KIAA1217: variants seen among roughly 807,000 people sequenced by gnomAD.
KIAA1217 encodes sickle tail protein homolog.
KIAA1217 carries 88 observed loss-of-function variants against 163.9 expected under a neutral mutation model. The ratio of observed to expected loss-of-function variants is 0.54; its 90% CI spans 0.45 to 0.64. KIAA1217 has a LOEUF of 0.64. Among genes scored for constraint, KIAA1217 ranks in the 30% least tolerant of loss-of-function variants. KIAA1217 has a pLI of 0.00. For synonymous variants in KIAA1217, 903 were observed against 923.1 expected, an observed-to-expected ratio of 0.98 and a Z score of 0.39; for missense variants, 2,372 against 2,475.0, an observed-to-expected ratio of 0.96 and a Z score of 0.88.
At chr10:23,699,135 C>T (rs1836242923) in intron 1 of KIAA1217, among the ~76,000 whole-genome samples, 1 of 152,236 alleles carries the variant, frequency 6.6e-6, no homozygotes, top group South Asian at 2.1e-4. Context: ...ACTTTCACTG[C>T]TCCTTCTGCC....
chr10:24,203,552 C>T (rs1398529990), intron 2 of KIAA1217, among the ~76,000 whole-genome samples: 1 of 151,794 alleles, frequency 6.6e-6, no homozygotes. Context: ...CTTGCTCCCC[C>T]TACCCCCCAA....
chr10:24,206,606 C>T (rs2067567819), upstream of KIAA1217, among the ~76,000 whole-genome samples: 1 of 152,144 alleles, frequency 6.6e-6, no homozygotes, highest in South Asian at 2.1e-4. Flanking sequence ...AACAAAAGGC[C>T]AGTAAGTAAT....
intron 2 of KIAA1217, among the ~76,000 whole-genome samples, chr10:24,142,077 T>A (rs1391899193): frequency 1.3e-5 from 2 of 151,998 alleles, no homozygotes; most frequent in African/African-American, 4.8e-5. Context: ...TTTTTGTTTT[T>A]TTTTTCTTTC....
intron 2 of KIAA1217, among the ~76,000 whole-genome samples, chr10:24,017,785 A>C (rs1847552493): frequency 6.6e-6 from 1 of 152,124 alleles, no homozygotes; most frequent in African/African-American, 2.4e-5. Context: ...TGTGACCCAG[A>C]CCTGGGTTCC....
At chr10:24,177,538 T>A (rs2065970733) in intron 2 of KIAA1217, among the ~76,000 whole-genome samples, 1 of 151,620 alleles carries the variant, frequency 6.6e-6, no homozygotes, top group African/African-American at 2.4e-5. Context: ...AGTAATGGGA[T>A]TGCTGGATCA....
chr10:23,727,655 T>A (rs1838244866), intron 1 of KIAA1217, among the ~76,000 whole-genome samples: 1 of 152,216 alleles, frequency 6.6e-6, no homozygotes, highest in African/African-American at 2.4e-5. Flanking sequence ...ATAGACATTT[T>A]AAAATTACAC....
intron 1 of KIAA1217, among the ~76,000 whole-genome samples, chr10:23,784,170 C>T (rs1835384384): frequency 6.6e-6 from 1 of 152,000 alleles, no homozygotes; most frequent in South Asian, 2.1e-4. Context: ...GAATTGACCC[C>T]TTTATCATTT....
chr10:24,217,205 T>C (rs2068949059), intron 1 of KIAA1217, among the ~76,000 whole-genome samples: 1 of 152,176 alleles, frequency 6.6e-6, no homozygotes, highest in Non-Finnish European at 1.5e-5. Context: ...CTTTGTTCAG[T>C]AGATCCTGTT....
At chr10:23,759,695 G>A (rs1409325079) in intron 1 of KIAA1217, among the ~76,000 whole-genome samples, 1 of 152,188 alleles carries the variant, frequency 6.6e-6, no homozygotes, top group Non-Finnish European at 1.5e-5. Flanking sequence ...TTAGATAATG[G>A]TGTAGTGAGA....
chr10:24,065,265 C>T (rs1028511759), intron 2 of KIAA1217, among the ~76,000 whole-genome samples: 1 of 152,034 alleles, frequency 6.6e-6, no homozygotes, highest in Non-Finnish European at 1.5e-5. Flanking sequence ...TTCCTGCTTT[C>T]TCTTGTGGGC....
chr10:23,898,304 TACACAC>T (rs35343854), intron 1 of KIAA1217, among the ~76,000 whole-genome samples: 34 of 149,300 alleles, frequency 2.3e-4, no homozygotes, highest in African/African-American at 5.4e-4. Flanking sequence ...ACTATATATA[TACACAC>T]ACACACACAC....
intron 3 of KIAA1217, among the ~76,000 whole-genome samples, chr10:24,395,981 G>A (rs2055688693): frequency 1.3e-5 from 2 of 152,096 alleles, no homozygotes; most frequent in African/African-American, 4.8e-5. Flanking sequence ...GCCTATAGGA[G>A]CCTTCTTAAG....
intron 2 of KIAA1217, among the ~76,000 whole-genome samples, chr10:24,132,245 A>C (rs1454113028): frequency 6.6e-6 from 1 of 152,208 alleles, no homozygotes; most frequent in East Asian, 1.9e-4. Context: ...AGGGAGGCTG[A>C]AAAATGTAAC....
At chr10:24,238,835 G>A (rs2072656463) in intron 2 of KIAA1217, among the ~76,000 whole-genome samples, 1 of 152,126 alleles carries the variant, frequency 6.6e-6, no homozygotes, top group African/African-American at 2.4e-5. Context: ...GACAGGGAGG[G>A]GCAGATTAAC....
chr10:23,932,931 C>T (rs1843317051), intron 1 of KIAA1217, among the ~76,000 whole-genome samples: 1 of 152,046 alleles, frequency 6.6e-6, no homozygotes, highest in South Asian at 2.1e-4. Context: ...ATGTAAGGAC[C>T]ACCCTTGTTT....
intron 6 of KIAA1217, among the ~76,000 whole-genome samples, chr10:24,480,918 G>A (rs967689194): frequency 6.6e-6 from 1 of 152,150 alleles, no homozygotes; most frequent in Non-Finnish European, 1.5e-5. Flanking sequence ...TTGCACATCT[G>A]CTTGGGTCCA....
At chr10:24,116,834 G>A (rs1002994377) in intron 2 of KIAA1217, among the ~76,000 whole-genome samples, 1 of 152,102 alleles carries the variant, frequency 6.6e-6, no homozygotes, top group African/African-American at 2.4e-5. Context: ...CAAGACACAC[G>A]GAAAGAAAGA....
At position 24,449,826 on chromosome 10, in the gene KIAA1217, G is replaced by A. The variant is rs1367157485; in HGVS notation, c.846+11347G>A. Reference sequence around the variant, plus strand: ...AGAATCTTTTTTCATGCTCTGGCACGTTTATCTTTCATTAACTTGTCTTCT... The same window carrying A: ...AGAATCTTTTTTCATGCTCTGGCACATTTATCTTTCATTAACTTGTCTTCT... On this transcript the variant is annotated intron_variant, in intron 5 of 20. Coordinates refer to ENST00000376454, the MANE Select transcript of KIAA1217 (RefSeq NM_019590.5). 1.1e-5 allele frequency: 9 copies of A among 834,528 alleles called. No individual in the cohort carries two copies. The South Asian group carries it at 1.6e-4, about 15-fold the overall frequency. 51.7% of individuals were successfully genotyped at this position (834,528 alleles called of 1,614,324 possible).
At chr10:23,812,061 G>C (rs1837087153) in intron 1 of KIAA1217, among the ~76,000 whole-genome samples, 1 of 151,974 alleles carries the variant, frequency 6.6e-6, no homozygotes, top group South Asian at 2.1e-4. Context: ...CTCCAGCCTG[G>C]GTGACAAAGT....
Sources: gnomAD v4.1 joint callset for allele counts (sites outside exome capture counted in the v4.1 genomes callset) on GRCh38, gnomAD v4.1.1 for gene constraint, MANE v1.5 for transcripts, NCBI Gene and HGNC (gene_info 2026-07-23, HGNC 2026-07-21) for gene names.